Variants in CPQ observed in about 807,000 individuals in gnomAD.
The protein encoded by CPQ is carboxypeptidase Q.
Under a neutral mutation model 45.7 loss-of-function variants are expected in CPQ, and 37 were observed. That is an observed-to-expected ratio of 0.81 (90% confidence interval 0.62 to 1.07). The LOEUF (loss-of-function observed/expected upper bound fraction) is 1.07. CPQ is among the 50% of genes least tolerant of loss of function. The pLI is 0.00. For synonymous variants in CPQ, 186 were observed against 205.8 expected (o/e 0.90, Z 0.82); for missense variants, 537 against 572.9 (o/e 0.94, Z 0.64).
At chr8:97,130,900 C>CA (rs79868487) in intron 7 of CPQ, among the ~76,000 whole-genome samples, 37,829 of 148,876 alleles carry the variant, frequency 0.25, 5,224 homozygotes, top group East Asian at 0.62. Context: ...GGTTTTGTGT[C>CA]AAAAAAAAAA....
At chr8:97,062,038 A>G (rs376469669) in intron 6 of CPQ, among the ~76,000 whole-genome samples, 14 of 152,190 alleles carry the variant, frequency 9.2e-5, no homozygotes, top group African/African-American at 2.9e-4. Flanking sequence ...ACTATTCTCT[A>G]TGTTCCTGTC....
chr8:96,686,453 A>T (rs1809228975), intron 1 of CPQ, among the ~76,000 whole-genome samples: 1 of 151,924 alleles, frequency 6.6e-6, no homozygotes, highest in South Asian at 2.1e-4. Context: ...ATTTATTGAG[A>T]TGGTATTTTA....
intron 1 of CPQ, among the ~76,000 whole-genome samples, chr8:96,668,864 G>A (rs1808962452): frequency 6.6e-6 from 1 of 150,522 alleles, no homozygotes; most frequent in African/African-American, 2.5e-5. Context: ...GATGCCAATG[G>A]TGCAGACAAA....
chr8:96,920,865 G>A (rs1812796543), intron 4 of CPQ, among the ~76,000 whole-genome samples: 1 of 152,152 alleles, frequency 6.6e-6, no homozygotes, highest in Non-Finnish European at 1.5e-5. Flanking sequence ...TCTTCAACTT[G>A]AAGCCTCCAA....
chr8:97,117,103 C>T (rs1302307315), intron 7 of CPQ, among the ~76,000 whole-genome samples: 8 of 152,250 alleles, frequency 5.3e-5, no homozygotes, highest in African/African-American at 9.6e-5. Flanking sequence ...GGAAATGTAG[C>T]GATAATTATT....
intron 1 of CPQ, among the ~76,000 whole-genome samples, chr8:96,723,449 G>A (rs1384498998): frequency 6.6e-6 from 1 of 151,920 alleles, no homozygotes; most frequent in African/African-American, 2.4e-5. Context: ...CCACCCCTTT[G>A]GTTTGTTTTA....
At chr8:96,681,246 C>A (rs1247694020) in intron 1 of CPQ, among the ~76,000 whole-genome samples, 1 of 152,200 alleles carries the variant, frequency 6.6e-6, no homozygotes, top group Non-Finnish European at 1.5e-5. Context: ...TAGCCCCTCC[C>A]ATCACAGGAC....
intron 7 of CPQ, among the ~76,000 whole-genome samples, chr8:97,098,708 T>A (rs889117455): frequency 2.6e-5 from 4 of 152,154 alleles, no homozygotes; most frequent in African/African-American, 9.7e-5. Flanking sequence ...ACAGTACAGG[T>A]CATCATACAC....
chr8:96,766,972 A>G (rs145449213), intron 1 of CPQ, among the ~76,000 whole-genome samples: 2 of 152,214 alleles, frequency 1.3e-5, no homozygotes, highest in Non-Finnish European at 2.9e-5. Context: ...TCACCTTCTT[A>G]TGTTGCAAAT....
At chr8:97,110,846 C>T (rs1811488209) in intron 7 of CPQ, among the ~76,000 whole-genome samples, 1 of 152,136 alleles carries the variant, frequency 6.6e-6, no homozygotes, top group African/African-American at 2.4e-5. Context: ...GAGTTCTGTA[C>T]AAACAACCAA....
At chr8:96,966,463 A>T (rs1485833280) in intron 5 of CPQ, among the ~76,000 whole-genome samples, 1 of 152,218 alleles carries the variant, frequency 6.6e-6, no homozygotes, top group African/African-American at 2.4e-5. Flanking sequence ...TAAAAGAGTA[A>T]CCTAGATAGA....
intron 1 of CPQ, among the ~76,000 whole-genome samples, chr8:96,753,942 T>G (rs1047413373): frequency 1.3e-5 from 2 of 152,016 alleles, no homozygotes; most frequent in Admixed American, 1.3e-4. Context: ...GTGTTGAATT[T>G]TATCAAATGA....
chr8:96,850,380 C>T (rs959534238), intron 3 of CPQ, among the ~76,000 whole-genome samples: 1 of 152,030 alleles, frequency 6.6e-6, no homozygotes, highest in African/African-American at 2.4e-5. Context: ...CATCTATTTG[C>T]CTACTAAGGA....
intron 7 of CPQ, chr8:97,133,237 TA>T (rs1811990149): frequency 1.3e-5 from 2 of 152,194 alleles, no homozygotes; most frequent in Admixed American, 6.5e-5. Flanking sequence ...TACATATATG[TA>T]ATTTATATTT....
chr8:96,977,225 C>T (rs1364581885), intron 5 of CPQ, among the ~76,000 whole-genome samples: 1 of 151,266 alleles, frequency 6.6e-6, no homozygotes, highest in South Asian at 2.1e-4. Flanking sequence ...AAATGGCCAA[C>T]AAGCGTATGG....
chr8:96,717,214 A>G (rs1345873197), intron 1 of CPQ, among the ~76,000 whole-genome samples: 2 of 151,138 alleles, frequency 1.3e-5, no homozygotes, highest in Non-Finnish European at 2.9e-5. Flanking sequence ...TTTTCATATA[A>G]TGACTTCTTT....
At chr8:96,789,526 A>G (rs2130813116) in intron 2 of CPQ, among the ~76,000 whole-genome samples, 2 of 152,280 alleles carry the variant, frequency 1.3e-5, no homozygotes, top group East Asian at 3.9e-4. Context: ...GTTCCTTTAG[A>G]CAGTTATATT....
chr8:96,695,654 G>A (rs1419030389), intron 1 of CPQ, among the ~76,000 whole-genome samples: 1 of 151,746 alleles, frequency 6.6e-6, no homozygotes, highest in African/African-American at 2.4e-5. Flanking sequence ...ACTTCTCAAA[G>A]GAAGACATTT....
chr8:97,035,257 C>T (rs1480986167), intron 6 of CPQ, among the ~76,000 whole-genome samples: 6 of 152,122 alleles, frequency 3.9e-5, no homozygotes, highest in Admixed American at 3.3e-4. Flanking sequence ...TTCTCCAGAA[C>T]GAATGAAGCA....
Sources: allele counts gnomAD v4.1 joint callset (sites outside exome capture counted in the v4.1 genomes callset), GRCh38; gene constraint gnomAD v4.1.1; transcripts MANE v1.5; gene names NCBI Gene and HGNC (gene_info 2026-07-23, HGNC 2026-07-21).